Variants in CAMTA2 observed in about 807,000 individuals in gnomAD.
The protein encoded by CAMTA2 is calmodulin-binding transcription activator 2.
A neutral mutation model predicts 135.7 loss-of-function variants in CAMTA2; 56 were observed. The observed-to-expected ratio is 0.41, with a 90% CI of 0.33 to 0.52. CAMTA2 has a LOEUF of 0.52. CAMTA2 is among the 20% of genes least tolerant of loss of function. The pLI, the probability that CAMTA2 is intolerant of heterozygous loss-of-function variation, is 0.16. For missense variants in CAMTA2, 1,358 were observed against 1,553.4 expected (o/e 0.87, Z 2.11); for synonymous variants, 591 against 604.6 (o/e 0.98, Z 0.33).
chr17:4,978,624 C>T lies in CAMTA2; in HGVS notation c.1645G>A (p.Val549Ile), dbSNP rs1167433183. 3 of 1,612,642 alleles carry T rather than the reference C, an allele frequency of 1.9e-6. No individual in the cohort carries two copies. Among genetic ancestry groups the T allele is most frequent in the South Asian group, 2.2e-5 (2 of 91,004 alleles). Residue 549 changes from valine to isoleucine, a missense_variant, in exon 10 of 23, where the codon GTC becomes ATC. By Grantham distance (29) the Val-to-Ile change is conservative. Coordinates refer to ENST00000348066, the MANE Select transcript of CAMTA2 (RefSeq NM_015099.4). ...CAAGGACCTGTGATGAGCACCTTGA[C>T]CCCACCCTGCAGACAGAAGTCAGAG... ...SPEWSYPEGG[V>I]KVLITGPWTE...
chr17:4,987,525 C>G, intron 1 of CAMTA2, 68 bp downstream of exon 1: 2 of 1,439,206 alleles, frequency 1.4e-6, no homozygotes, highest in Non-Finnish European at 1.8e-6. Flanking sequence ...CGCTCCGCGT[C>G]GGGACCTGGA....
chr17:4,969,184 G>A lies in CAMTA2; in HGVS notation c.3436C>T (p.His1146Tyr). The A allele has an allele frequency of 6.2e-7, 1 of 1,610,814 alleles. No individual in the cohort carries two copies. Among genetic ancestry groups the A allele is most frequent in the South Asian group, 1.1e-5 (1 of 90,962 alleles). ...RSYRRRPGPP[H>Y]RTSATLPARN... Reference sequence around the variant, plus strand: ...GCAGGCAGGGTGGCCGAAGTCCGGTGGGGAGGGCCGGGCCTGCGGCGGTAG... The same window carrying A: ...GCAGGCAGGGTGGCCGAAGTCCGGTAGGGAGGGCCGGGCCTGCGGCGGTAG... Residue 1146 changes from histidine to tyrosine, a missense_variant, in exon 21 of 23, where the codon CAC becomes TAC. Transcript: ENST00000348066. The surrounding 1 kb of genome is among the most constrained non-coding windows in gnomAD (Gnocchi z 5.6).
At chr17:4,977,223 C>A (rs146218957) in intron 10 of CAMTA2, 31 bp from the exon 11 acceptor site, 2 of 1,605,434 alleles carry the variant, frequency 1.2e-6, no homozygotes, top group Non-Finnish European at 1.7e-6. Flanking sequence ...GAGAAGGGCT[C>A]TCTTTCCCTG....
intron 5 of CAMTA2, 185 bp from the exon 6 acceptor site, chr17:4,982,345 G>A: frequency 1.6e-6 from 1 of 615,000 alleles, no homozygotes; most frequent in Non-Finnish European, 2.9e-6. Context: ...ATGAGCAGTG[G>A]GGCTGGGGCC....
intron 11 of CAMTA2, among the ~76,000 whole-genome samples, chr17:4,975,720 A>G (rs1389619352): frequency 1.3e-5 from 2 of 152,220 alleles, no homozygotes; most frequent in South Asian, 2.1e-4. Context: ...GGAGACTAAG[A>G]TAACACAGAT....
chr17:4,978,139 C>T (rs4790719), intron 10 of CAMTA2, among the ~76,000 whole-genome samples: 14,472 of 152,276 alleles, frequency 0.095, 767 homozygotes, highest in Middle Eastern at 0.16. Context: ...CTCATTCCCC[C>T]TGGATTGGAG....
Position 4,969,344 on chromosome 17 carries a change from G to T in CAMTA2, c.3283-7C>A, listed in dbSNP as rs1972112232. The T allele has an allele frequency of 6.2e-7, 1 of 1,613,484 alleles. No homozygotes were observed. Among genetic ancestry groups the T allele is most frequent in the Admixed American group, 1.7e-5 (1 of 59,962 alleles). The stretch of plus-strand genomic sequence containing the variant: ...TCTTCTTATAGAGTGCAAACTGCAG[G>T]GGTGGGGAGGAGGGACAGGGGCTGA... On this transcript the variant is annotated splice_polypyrimidine_tract_variant and splice_region_variant and intron_variant, in intron 20 of 22. Coordinates refer to ENST00000348066, the MANE Select transcript of CAMTA2 (RefSeq NM_015099.4). The surrounding 1 kb of genome is among the most constrained non-coding windows in gnomAD (Gnocchi z 5.6).
rs974459342 is a variant in CAMTA2 at position 4,987,647 on chromosome 17, C to A, written c.-119G>T. 4 of 1,521,346 alleles carry A rather than the reference C, an allele frequency of 2.6e-6. No individual in the cohort carries two copies. Among genetic ancestry groups the A allele is most frequent in the South Asian group, 2.4e-5 (2 of 82,424 alleles). The allele number at this position is 1,521,346 out of a possible 1,614,324, so 94.2% of individuals were successfully genotyped here. A position where few individuals can be genotyped will look rare whatever the true frequency, so the allele number is the denominator to read the frequency against. ...GCGGCCATTCTACCCCACACCGACC[C>A]CCCCCAGCGCCGGCTGACAGCGGCG... On this transcript the variant is annotated 5_prime_UTR_variant, in exon 1 of 23. Coordinates refer to ENST00000348066, the MANE Select transcript of CAMTA2 (RefSeq NM_015099.4).
At chr17:4,983,498 T>A (rs1330741153) in intron 3 of CAMTA2, among the ~76,000 whole-genome samples, 2 of 152,138 alleles carry the variant, frequency 1.3e-5, no homozygotes, top group African/African-American at 2.4e-5. Context: ...TTGGTAAGGC[T>A]GGTCTCGAAC....
In CAMTA2 at chr17:4,981,613, T is replaced by C. The variant is rs1419278015; in HGVS notation, c.565+65A>G. The C allele has an allele frequency of 4.0e-6, 6 of 1,507,754 alleles. No individual in the cohort carries two copies. In the African/African-American group the frequency reaches 4.2e-5, roughly 11 times the overall value. 93.4% of individuals were successfully genotyped at this position (1,507,754 alleles called of 1,614,324 possible). On this transcript the variant is annotated intron_variant, in intron 7 of 22. Transcript: ENST00000348066. ...CCCTCAGGCTTTGGGTCCAGAACCA[T>C]GGCCCCTCTGGGAGCCCTGTTTCTA...
At chr17:4,972,206 C>G in intron 16 of CAMTA2, 26 bp downstream of exon 16, 1 of 1,594,840 alleles carries the variant, frequency 6.3e-7, no homozygotes, top group Non-Finnish European at 8.6e-7. Flanking sequence ...TTCTAGCCCC[C>G]ATAACTCCAT....
At position 4,970,479 on chromosome 17, in the gene CAMTA2, G is replaced by A. The variant is rs1265352190; in HGVS notation, c.2866C>T (p.Arg956Ter). Residue 956 changes from arginine to a stop codon, truncating the protein, a stop_gained, in exon 17 of 23, where the codon CGA becomes TGA. Transcript: ENST00000348066. LOFTEE classifies it high-confidence loss of function. The stretch of plus-strand genomic sequence containing the variant: ...TCGGGCAGCCCCACGAAGTCCTCTC[G>A]TTTAATCCGCTCCGGTGTGGCTTCG... ...IIEATPERIK[R>*]EDFVGLPEAG... 1.2e-6 allele frequency: 2 copies of A among 1,613,946 alleles called. No individual in the cohort carries two copies. Among genetic ancestry groups the A allele is most frequent in the Non-Finnish European group, 8.5e-7 (1 of 1,180,046 alleles).
Position 4,974,420 on chromosome 17 carries a change from C to T in CAMTA2, c.1981G>A (p.Val661Met). ...RMAEIAAAGQVPCQGPDAPPV... is the reference protein window; with the variant it reads ...RMAEIAAAGQMPCQGPDAPPV... ...GGAGCATCAGGACCCTGGCAAGGCA[C>T]CTGCCCAGCTGCTGCGATCTCTGCC... The change falls in exon 12 of 23, where the codon GTG becomes ATG. Residue 661 changes from valine (V) to methionine (M), a missense_variant. By Grantham distance (21) the Val-to-Met change is conservative. Transcript: ENST00000348066. The T allele has an allele frequency of 6.2e-7, 1 of 1,613,880 alleles. No homozygotes were observed. The highest frequency in any genetic ancestry group is 1.1e-5 in the South Asian group (1 of 91,074).
intron 9 of CAMTA2, 62 bp downstream of exon 9, chr17:4,979,622 T>G: frequency 8.3e-7 from 1 of 1,206,954 alleles, no homozygotes; most frequent in Non-Finnish European, 1.2e-6. Context: ...TTAATACAAT[T>G]TGTTTTGGGG....
intron 11 of CAMTA2, among the ~76,000 whole-genome samples, chr17:4,976,101 G>A (rs563047252): frequency 6.6e-6 from 1 of 152,242 alleles, no homozygotes; most frequent in African/African-American, 2.4e-5. Context: ...CGCCTCTCGG[G>A]TTCAAGCAAT....
chr17:4,975,735 G>A (rs1452390309), intron 11 of CAMTA2, among the ~76,000 whole-genome samples: 6 of 152,218 alleles, frequency 3.9e-5, no homozygotes, highest in Non-Finnish European at 5.9e-5. Context: ...ACAGATGGCA[G>A]CAGAACTGAG....
chr17:4,970,530 T>G lies in CAMTA2; in HGVS notation c.2815A>C (p.Met939Leu). 1 of 1,609,510 alleles carries G rather than the reference T, an allele frequency of 6.2e-7. No homozygotes were observed. Among genetic ancestry groups the G allele is most frequent in the Non-Finnish European group, 8.5e-7 (1 of 1,179,544 alleles). ...ATGATCTGCTTGGCTAGTGAGATCATGTCCACCTGGAAGAAGGGAGAAGCT... is the reference window on the plus strand; with the variant it reads ...ATGATCTGCTTGGCTAGTGAGATCAGGTCCACCTGGAAGAAGGGAGAAGCT... ...PQAVDVIPVDMISLAKQIIEA... is the reference protein window; with the variant it reads ...PQAVDVIPVDLISLAKQIIEA... The change falls in exon 17 of 23, where the codon ATG becomes CTG. Residue 939 changes from methionine to leucine, a missense_variant. Met to Leu is a conservative substitution (Grantham distance 15). This residue lies in a region of CAMTA2 where 1,077 missense variants were observed against 1,127.5 expected (regional missense o/e 0.96). Transcript: ENST00000348066.
intron 16 of CAMTA2, among the ~76,000 whole-genome samples, chr17:4,971,691 CT>C (rs748274165): frequency 7.8e-4 from 103 of 131,840 alleles, no homozygotes; most frequent in East Asian, 1.9e-3. Flanking sequence ...ACTATTTTGT[CT>C]TTTTTTTTTT....
rs1597786073 is a variant in CAMTA2, at chr17:4,986,242, A to C, written c.-20T>G. 2 of 1,606,468 alleles carry C rather than the reference A, an allele frequency of 1.2e-6. No homozygotes were observed. The highest frequency in any genetic ancestry group is 4.5e-5 in the East Asian group (2 of 44,858). On this transcript the variant is annotated 5_prime_UTR_variant, in exon 2 of 23. Coordinates refer to ENST00000348066, the MANE Select transcript of CAMTA2 (RefSeq NM_015099.4). The stretch of plus-strand genomic sequence containing the variant: ...ATTCATGGTGAGGGCTCCAGGGGGC[A>C]AGGTCACCCCCGGCCTGAGGGGCCG...
Sources: allele counts gnomAD v4.1 joint callset (sites outside exome capture counted in the v4.1 genomes callset), GRCh38; gene constraint gnomAD v4.1.1; regional missense constraint gnomAD v4.1.1; non-coding constraint Gnocchi (gnomAD v3.1); transcripts MANE v1.5; gene names NCBI Gene and HGNC (gene_info 2026-07-23, HGNC 2026-07-21).